MELK: variants seen among roughly 807,000 people sequenced by gnomAD.
MELK encodes maternal embryonic leucine zipper kinase, also known as pEg3 kinase.
In MELK, 81 loss-of-function variants were observed where a neutral mutation model predicts 85.0. That is an observed-to-expected ratio of 0.95 (90% CI 0.80 to 1.15). The LOEUF (loss-of-function observed/expected upper bound fraction) is 1.15, where lower values mean the gene tolerates loss of function less well. Among genes scored for constraint, MELK ranks in the 50% most tolerant of loss-of-function variants. The probability of loss-of-function intolerance (pLI) is 0.00; values close to 1 mark genes in which losing one functional copy is unlikely to be tolerated. For synonymous variants in MELK, 252 were observed against 265.0 expected (o/e 0.95, Z 0.48); for missense variants, 754 against 777.5 (o/e 0.97, Z 0.36).
At position 36,590,380 on chromosome 9, in the gene MELK, G is replaced by T. The variant is rs540195829; in HGVS notation, c.261+728G>T. Among the ~76,000 whole-genome samples, 330 of 152,290 alleles carry T rather than the reference G, an allele frequency of 2.2e-3. 1 individual carries two copies. The highest frequency in any genetic ancestry group is 3.3e-3 in the Non-Finnish European group (227 of 68,008). The stretch of plus-strand genomic sequence containing the variant: ...AAGGCTGGTTCCTTCTGGAGGTTCT[G>T]AGAGGGAATCTGTTTCCTGCCTCTT... On this transcript the variant is annotated intron_variant, in intron 4 of 17. Coordinates refer to ENST00000298048, the MANE Select transcript of MELK (RefSeq NM_014791.4).
intron 16 of MELK, among the ~76,000 whole-genome samples, chr9:36,672,638 C>A (rs760424738): frequency 2.6e-5 from 4 of 152,180 alleles, no homozygotes; most frequent in African/African-American, 7.2e-5. Flanking sequence ...TTTGATAAAT[C>A]ATTTTATTCC....
At chr9:36,670,863 A>C in intron 15 of MELK, 135 bp from the exon 16 acceptor site, 1 of 882,908 alleles carries the variant, frequency 1.1e-6, no homozygotes, top group Non-Finnish European at 1.6e-6. Context: ...TTCCTGAGGA[A>C]GAGAGAGGTG....
intron 11 of MELK, 50 bp downstream of exon 11, chr9:36,643,133 A>G: frequency 2.0e-6 from 3 of 1,516,182 alleles, no homozygotes; most frequent in African/African-American, 2.8e-5. Flanking sequence ...CTGTAATCCA[A>G]ACACTTTGGG....
At chr9:36,656,141 G>C (rs377395136) in intron 12 of MELK, among the ~76,000 whole-genome samples, 2 of 152,142 alleles carry the variant, frequency 1.3e-5, no homozygotes, top group African/African-American at 4.8e-5. Flanking sequence ...CGTTGTTAGC[G>C]CAAGACCCCA....
Position 36,616,385 on chromosome 9 carries a change from CTCTTTTTT to C in MELK, c.666+8714_666+8721del, listed in dbSNP as rs199557738. 9.7e-3 allele frequency among the ~76,000 whole-genome samples: 1,170 copies of C among 120,324 alleles called. 13 individuals are homozygous for C. The highest frequency in any genetic ancestry group is 0.039 in the African/African-American group (1,115 of 28,882). 78.9% of individuals were successfully genotyped at this position (120,324 alleles called of 152,430 possible). On this transcript the variant is annotated intron_variant, in intron 8 of 17. Transcript: ENST00000298048. Reference sequence around the variant, plus strand: ...TATTAAAGGTATCTAGCATGTCAAACTCTTTTTTTTTTTTTTTTTTTTAAGGCAGAGCC... The same window carrying C: ...TATTAAAGGTATCTAGCATGTCAAACTTTTTTTTTTTTTTAAGGCAGAGCC...
At chr9:36,615,760 G>A (rs1271506135) in intron 8 of MELK, among the ~76,000 whole-genome samples, 2 of 147,760 alleles carry the variant, frequency 1.4e-5, no homozygotes, top group African/African-American at 2.5e-5. Context: ...GACGATGGGC[G>A]GCTGGGCAGA....
chr9:36,580,308 G>A (rs1324147987), intron 1 of MELK, among the ~76,000 whole-genome samples: 2 of 151,486 alleles, frequency 1.3e-5, no homozygotes, highest in Non-Finnish European at 1.5e-5. Flanking sequence ...GGTTACAGGC[G>A]TGAGCCACCG....
chr9:36,649,788 C>T (rs1164758005), intron 11 of MELK, among the ~76,000 whole-genome samples: 1 of 151,824 alleles, frequency 6.6e-6, no homozygotes, highest in Non-Finnish European at 1.5e-5. Context: ...GAAAATAATG[C>T]AAGAAGAAAT....
rs182445918 is a variant in MELK at position 36,583,801 on chromosome 9, T to A, written c.144+89T>A. The A allele has an allele frequency of 7.0e-4, 604 of 862,524 alleles. 9 individuals carry two copies. The East Asian group carries it at 0.013, about 19-fold the overall frequency. 53.4% of individuals were successfully genotyped at this position (862,524 alleles called of 1,614,324 possible). A position where few individuals can be genotyped will look rare whatever the true frequency, so the allele number is the denominator to read the frequency against. ...ATTGTTCTAATGTTCTAGTTACTGC[T>A]CTTAGAATAATATTTTTATACCTTT... On this transcript the variant is annotated intron_variant, in intron 3 of 17. Coordinates refer to ENST00000298048, the MANE Select transcript of MELK (RefSeq NM_014791.4).
At chr9:36,650,338 G>C (rs1830595743) in intron 11 of MELK, among the ~76,000 whole-genome samples, 1 of 152,046 alleles carries the variant, frequency 6.6e-6, no homozygotes, top group African/African-American at 2.4e-5. Flanking sequence ...AGAATGAAGA[G>C]GCCTAACCTG....
At chr9:36,573,225 C>G (rs1821269499) in intron 1 of MELK, 1 of 152,266 alleles carries the variant, frequency 6.6e-6, no homozygotes, top group Admixed American at 6.5e-5. Context: ...ACCGTGTCTA[C>G]TTAACAGGGT....
intron 1 of MELK, among the ~76,000 whole-genome samples, chr9:36,579,550 T>C (rs982106342): frequency 6.6e-6 from 1 of 152,272 alleles, no homozygotes; most frequent in African/African-American, 2.4e-5. Flanking sequence ...AGAATCATAT[T>C]TCTTCTCCAT....
chr9:36,677,047 T>C (rs1833410192), intron 17 of MELK, 113 bp from the exon 18 acceptor site: 1 of 891,840 alleles, frequency 1.1e-6, no homozygotes, highest in African/African-American at 1.7e-5. Context: ...AGTAATACAT[T>C]GCTTAATATG....
In MELK at chr9:36,674,815, CTTCTTT is replaced by C; in HGVS notation, c.1675-11_1675-6del. On this transcript the variant is annotated splice_polypyrimidine_tract_variant and intron_variant, in intron 16 of 17. Coordinates refer to ENST00000298048, the MANE Select transcript of MELK (RefSeq NM_014791.4). ...TGATGTAAAAATTTACTTCTCATCT[CTTCTTT>C]TTCTTTTCTTAGCTTCACTATAACG... 12 of 1,473,492 alleles carry C rather than the reference CTTCTTT, an allele frequency of 8.1e-6. No individual in the cohort carries two copies. The highest frequency in any genetic ancestry group is 1.1e-5 in the Non-Finnish European group (12 of 1,059,936). The allele number at this position is 1,473,492 out of a possible 1,614,324, so 91.3% of individuals were successfully genotyped here. A position where few individuals can be genotyped will look rare whatever the true frequency, so the allele number is the denominator to read the frequency against.
chr9:36,674,996 T>A, intron 17 of MELK, 59 bp downstream of exon 17: 1 of 1,342,482 alleles, frequency 7.4e-7, no homozygotes, highest in Non-Finnish European at 1.1e-6. Context: ...TTTGAGAAAA[T>A]AGGAGTTGGT....
chr9:36,677,167 C>A lies in MELK; in HGVS notation c.1786C>A (p.Leu596Met). 1 of 1,613,552 alleles carries A rather than the reference C, an allele frequency of 6.2e-7. No homozygotes were observed. The highest frequency in any genetic ancestry group is 1.1e-5 in the South Asian group (1 of 90,886). Residue 596 changes from leucine to methionine, a missense_variant, in exon 18 of 18, where the codon CTG becomes ATG. Transcript: ENST00000298048. ...TTATCTTGTTTTTCACAGTTATACA[C>A]TGAAGTGTCAAACACAGTCAGATTT... is the stretch of plus-strand genomic sequence containing the variant. ...HVDFVQKGYT[L>M]KCQTQSDFGK...
chr9:36,648,571 A>G (rs1302809817), intron 11 of MELK, among the ~76,000 whole-genome samples: 10 of 152,350 alleles, frequency 6.6e-5, no homozygotes, highest in Middle Eastern at 3.4e-3. Context: ...ATGGATGCGC[A>G]AAGTCTTCAT....
chr9:36,593,194 T>TA (rs1199691279), intron 4 of MELK, among the ~76,000 whole-genome samples: 11 of 149,810 alleles, frequency 7.3e-5, no homozygotes, highest in Non-Finnish European at 1.0e-4. Context: ...TTTTTTTTTT[T>TA]AATTATTGCC....
chr9:36,642,155 C>T (rs1174330727), intron 10 of MELK, among the ~76,000 whole-genome samples: 1 of 152,072 alleles, frequency 6.6e-6, no homozygotes, highest in East Asian at 1.9e-4. Context: ...GAGGCTCTTA[C>T]TTATATTCTT....
Sources: allele counts gnomAD v4.1 joint callset (sites outside exome capture counted in the v4.1 genomes callset), GRCh38; gene constraint gnomAD v4.1.1; transcripts MANE v1.5; gene names NCBI Gene and HGNC (gene_info 2026-07-23, HGNC 2026-07-21).